MALRD1: variants seen among roughly 807,000 people sequenced by gnomAD.
MALRD1 encodes the protein MAM and LDL-receptor class A domain-containing protein 1.
In MALRD1, 247 loss-of-function variants were observed where a neutral mutation model predicts 242.1. That is an observed-to-expected ratio of 1.02 (90% confidence interval 0.92 to 1.13). MALRD1 has a LOEUF of 1.13. MALRD1 is among the 50% of genes most tolerant of loss of function. The pLI, the probability that MALRD1 is intolerant of heterozygous loss-of-function variation, is 0.00. For synonymous variants in MALRD1, 995 were observed against 866.6 expected, an observed-to-expected ratio of 1.15 and a Z score of -2.60; for missense variants, 2,989 against 2,533.1, an observed-to-expected ratio of 1.18 and a Z score of -3.86.
intron 5 of MALRD1, among the ~76,000 whole-genome samples, chr10:19,110,116 C>T (rs1836624134): frequency 6.6e-6 from 1 of 152,318 alleles, no homozygotes; most frequent in Non-Finnish European, 1.5e-5. Flanking sequence ...CTGGTGCTTT[C>T]CCTCAGCTGC....
intron 2 of MALRD1, among the ~76,000 whole-genome samples, chr10:19,078,099 T>C (rs1239018492): frequency 6.6e-6 from 1 of 151,822 alleles, no homozygotes; most frequent in Non-Finnish European, 1.5e-5. Flanking sequence ...TCAGCTATTA[T>C]CATTAGGATT....
intron 24 of MALRD1, among the ~76,000 whole-genome samples, chr10:19,345,645 A>G (rs1235109668): frequency 2.6e-5 from 4 of 151,626 alleles, no homozygotes; most frequent in Admixed American, 1.3e-4. Context: ...TCTCCATTTG[A>G]TGACATAAAT....
intron 22 of MALRD1, among the ~76,000 whole-genome samples, chr10:19,326,444 T>G (rs957019875): frequency 2.0e-5 from 3 of 152,110 alleles, no homozygotes; most frequent in Non-Finnish European, 4.4e-5. Flanking sequence ...ACATTAAATG[T>G]TGCATTAGTA....
Position 19,327,681 on chromosome 10 carries a change from A to G in MALRD1, c.3687+8A>G. ...ATTCGTTCACATACACAGGTGTGTAATACAGGTAGTTATGGGGTGAGTGAG... is the reference window on the plus strand; with the variant it reads ...ATTCGTTCACATACACAGGTGTGTAGTACAGGTAGTTATGGGGTGAGTGAG... On this transcript the variant is annotated splice_region_variant and intron_variant, in intron 23 of 39. Transcript: ENST00000454679. 3 of 1,539,742 alleles carry G rather than the reference A, an allele frequency of 1.9e-6. No individual in the cohort carries two copies. Among genetic ancestry groups the G allele is most frequent in the Admixed American group, 2.0e-5 (1 of 50,894 alleles).
chr10:19,731,492 TTGTGTGTGTGTG>T (rs199973822), intron 39 of MALRD1, among the ~76,000 whole-genome samples: 1 of 146,900 alleles, frequency 6.8e-6, no homozygotes, highest in East Asian at 2.0e-4. Flanking sequence ...ATAGTTTACT[TTGTGTGTGTGTG>T]TGTGTGTGTG....
At chr10:19,536,215 G>A (rs1245769565) in intron 32 of MALRD1, among the ~76,000 whole-genome samples, 2 of 152,088 alleles carry the variant, frequency 1.3e-5, no homozygotes, top group Non-Finnish European at 2.9e-5. Flanking sequence ...GAGAAGACAA[G>A]CCTTCCTCCT....
chr10:19,686,656 C>T (rs185009231), intron 36 of MALRD1, among the ~76,000 whole-genome samples: 93 of 152,194 alleles, frequency 6.1e-4, no homozygotes, highest in African/African-American at 2.1e-3. Flanking sequence ...CTGATGGTCA[C>T]CTGGCATTTC....
chr10:19,442,201 T>C (rs182254475), intron 28 of MALRD1, among the ~76,000 whole-genome samples: 160 of 152,352 alleles, frequency 1.1e-3, no homozygotes, highest in Middle Eastern at 0.01. Context: ...GAGATTTTGC[T>C]GAAGTTGCTT....
chr10:19,290,479 G>A (rs1487120233), intron 21 of MALRD1: 1 of 152,174 alleles, frequency 6.6e-6, no homozygotes, highest in East Asian at 1.9e-4. Context: ...ATAATGCAAT[G>A]GAAAGATAAA....
rs1326912613 is a variant in MALRD1, at chr10:19,636,444, G to A, written c.6137+20521G>A. Among the ~76,000 whole-genome samples the A allele has an allele frequency of 3.3e-5, 5 of 152,166 alleles. No individual in the cohort carries two copies. In the East Asian group the frequency reaches 9.7e-4, roughly 29 times the overall value. ...TTGGTATCAACAATGCTTAGGGACAGAACAAAAGAAGTATAGACCAATCTT... is the reference window on the plus strand; with the variant it reads ...TTGGTATCAACAATGCTTAGGGACAAAACAAAAGAAGTATAGACCAATCTT... On this transcript the variant is annotated intron_variant, in intron 36 of 39. Transcript: ENST00000454679.
chr10:19,085,168 G>T (rs1211250452), intron 2 of MALRD1, among the ~76,000 whole-genome samples: 2 of 151,974 alleles, frequency 1.3e-5, no homozygotes, highest in Non-Finnish European at 2.9e-5. Context: ...GCTGGTTAGA[G>T]CTGTAGTAAA....
chr10:19,623,099 T>G (rs1470377074), intron 36 of MALRD1, among the ~76,000 whole-genome samples: 1 of 151,990 alleles, frequency 6.6e-6, no homozygotes, highest in Non-Finnish European at 1.5e-5. Flanking sequence ...GAAAAAGCTT[T>G]TTTTCAATGA....
intron 11 of MALRD1, among the ~76,000 whole-genome samples, chr10:19,147,322 G>T (rs1434017904): frequency 2.0e-5 from 3 of 152,170 alleles, no homozygotes; most frequent in Non-Finnish European, 4.4e-5. Flanking sequence ...GGTGGTAGTG[G>T]GTGAGAGTGC....
At chr10:19,523,948 A>G (rs1360316636) in intron 31 of MALRD1, among the ~76,000 whole-genome samples, 2 of 152,234 alleles carry the variant, frequency 1.3e-5, no homozygotes, top group African/African-American at 4.8e-5. Flanking sequence ...AAAGAGATTA[A>G]TGCCTAAAGC....
chr10:19,578,060 G>T (rs146788854), intron 33 of MALRD1, among the ~76,000 whole-genome samples: 10 of 152,220 alleles, frequency 6.6e-5, no homozygotes, highest in African/African-American at 9.6e-5. Context: ...AAAGCGTCCA[G>T]ACTTTATAAA....
intron 4 of MALRD1, among the ~76,000 whole-genome samples, chr10:19,094,559 G>A (rs1238835594): frequency 6.6e-6 from 1 of 151,552 alleles, no homozygotes; most frequent in African/African-American, 2.4e-5. Context: ...CTTCTGCGTC[G>A]CTCACGCTGG....
intron 29 of MALRD1, among the ~76,000 whole-genome samples, chr10:19,461,605 G>A (rs115238067): frequency 2.6e-5 from 4 of 152,190 alleles, no homozygotes; most frequent in Non-Finnish European, 4.4e-5. Context: ...CCTACACTGT[G>A]GGGGGAGGCT....
At chr10:19,236,605 C>A (rs1332072012) in intron 18 of MALRD1, among the ~76,000 whole-genome samples, 2 of 152,098 alleles carry the variant, frequency 1.3e-5, no homozygotes, top group African/African-American at 2.4e-5. Context: ...AAAATGCCAA[C>A]TTTCTATATT....
chr10:19,540,667 C>A (rs1276248450), intron 32 of MALRD1, among the ~76,000 whole-genome samples: 1 of 152,054 alleles, frequency 6.6e-6, no homozygotes, highest in Non-Finnish European at 1.5e-5. Context: ...AGGACCCAGC[C>A]CATCTCATAG....
Sources: allele counts gnomAD v4.1 joint callset (sites outside exome capture counted in the v4.1 genomes callset), GRCh38; gene constraint gnomAD v4.1.1; transcripts MANE v1.5; gene names NCBI Gene and HGNC (gene_info 2026-07-23, HGNC 2026-07-21).